Variants in KIF16B observed in about 807,000 individuals in gnomAD.
The protein encoded by KIF16B is kinesin-like protein KIF16B.
A neutral mutation model predicts 156.3 loss-of-function variants in KIF16B; 98 were observed. The observed-to-expected ratio is 0.63, with a 90% CI of 0.53 to 0.74. The LOEUF (loss-of-function observed/expected upper bound fraction) is 0.74, where lower values mean the gene tolerates loss of function less well. Ranked by LOEUF, KIF16B falls within the 30% of genes least tolerant of loss-of-function variation. The pLI, the probability that KIF16B is intolerant of heterozygous loss-of-function variation, is 0.00. For missense variants in KIF16B, 1,421 were observed against 1,606.5 expected, an observed-to-expected ratio of 0.88 and a Z score of 1.97; for synonymous variants, 564 against 583.7, an observed-to-expected ratio of 0.97 and a Z score of 0.49.
intron 25 of KIF16B, among the ~76,000 whole-genome samples, chr20:16,297,017 T>A (rs1419048707): frequency 6.6e-6 from 1 of 152,224 alleles, no homozygotes; most frequent in African/African-American, 2.4e-5. Flanking sequence ...TTTTCCTGCC[T>A]TTGGACTCAA....
At chr20:16,372,828 G>C (rs1271832525) in intron 20 of KIF16B, among the ~76,000 whole-genome samples, 2 of 152,172 alleles carry the variant, frequency 1.3e-5, no homozygotes, top group Non-Finnish European at 2.9e-5. Flanking sequence ...CTCCCAGGTA[G>C]CTGGGATTAC....
chr20:16,555,511 G>A (rs1600690868), intron 1 of KIF16B, among the ~76,000 whole-genome samples: 1 of 111,452 alleles, frequency 9.0e-6, no homozygotes, highest in Non-Finnish European at 2.0e-5. Flanking sequence ...TCAAGCCATA[G>A]ACCAAAGGCC....
At chr20:16,512,192 T>C (rs1035591402) in intron 5 of KIF16B, among the ~76,000 whole-genome samples, 1 of 151,898 alleles carries the variant, frequency 6.6e-6, no homozygotes, top group Non-Finnish European at 1.5e-5. Context: ...TCCTGTACCA[T>C]GCTAAGTACT....
At chr20:16,558,730 C>T (rs751314877) in intron 1 of KIF16B, among the ~76,000 whole-genome samples, 3 of 152,014 alleles carry the variant, frequency 2.0e-5, no homozygotes, top group Admixed American at 2.0e-4. Context: ...ATGGCAAAAC[C>T]CTGTTTCCAT....
intron 12 of KIF16B, among the ~76,000 whole-genome samples, chr20:16,481,198 T>C (rs2067974049): frequency 6.6e-6 from 1 of 152,166 alleles, no homozygotes; most frequent in Non-Finnish European, 1.5e-5. Flanking sequence ...AAACCACTTC[T>C]GTATGGAAGT....
chr20:16,521,597 C>T lies in KIF16B; in HGVS notation c.231+4495G>A, dbSNP rs1013350888. Among the ~76,000 whole-genome samples the T allele has an allele frequency of 4.6e-5, 7 of 152,234 alleles. No homozygotes were observed. In the South Asian group the frequency reaches 1.2e-3, roughly 27 times the overall value. ...TGGAACCAAGTTGGAAAACACTCTT[C>T]AGGCTATTATCCAGGAGAACTTCCC... On this transcript the variant is annotated intron_variant, in intron 3 of 25. Coordinates refer to ENST00000354981, the MANE Select transcript of KIF16B (RefSeq NM_024704.5).
intron 15 of KIF16B, among the ~76,000 whole-genome samples, chr20:16,410,683 G>C (rs2065931195): frequency 6.6e-6 from 1 of 152,060 alleles, no homozygotes; most frequent in African/African-American, 2.4e-5. Flanking sequence ...CAGTTGCTTA[G>C]CATCACCATC....
At chr20:16,530,533 A>G (rs73898802) in intron 1 of KIF16B, among the ~76,000 whole-genome samples, 1,618 of 152,226 alleles carry the variant, frequency 0.011, 37 homozygotes, top group African/African-American at 0.037. Flanking sequence ...CTGGCAGGGC[A>G]CGCTCCCCAA....
intron 1 of KIF16B, among the ~76,000 whole-genome samples, chr20:16,569,530 T>C (rs923199101): frequency 1.3e-5 from 2 of 152,192 alleles, no homozygotes; most frequent in African/African-American, 2.4e-5. Flanking sequence ...AGCACTCATA[T>C]TCCTTACAAG....
intron 10 of KIF16B, among the ~76,000 whole-genome samples, chr20:16,502,091 C>T (rs2068643506): frequency 6.6e-6 from 1 of 152,014 alleles, no homozygotes; most frequent in Non-Finnish European, 1.5e-5. Context: ...ATGTCAAAAC[C>T]TTTTGCTTTA....
chr20:16,370,442 T>C (rs1002925663), intron 22 of KIF16B, 144 bp downstream of exon 22: 3 of 576,264 alleles, frequency 5.2e-6, no homozygotes, highest in Non-Finnish European at 5.7e-6. Flanking sequence ...TTTAAGTCCA[T>C]ATAATAGCTT....
intron 14 of KIF16B, among the ~76,000 whole-genome samples, chr20:16,428,083 C>G (rs1038934236): frequency 1.3e-5 from 2 of 152,066 alleles, no homozygotes; most frequent in Non-Finnish European, 2.9e-5. Context: ...GAAGAAGAGG[C>G]CTGATGCCTA....
chr20:16,551,508 G>A (rs1262755972), intron 1 of KIF16B, among the ~76,000 whole-genome samples: 1 of 152,118 alleles, frequency 6.6e-6, no homozygotes, highest in Non-Finnish European at 1.5e-5. Context: ...CTGACTCCTT[G>A]CTGGTGCCTG....
At chr20:16,459,637 A>T (rs2067294789) in intron 12 of KIF16B, among the ~76,000 whole-genome samples, 1 of 152,192 alleles carries the variant, frequency 6.6e-6, no homozygotes. Context: ...AAGTGCTTGG[A>T]TTTGTTTAAA....
chr20:16,494,368 C>T lies in KIF16B; in HGVS notation c.1243-18G>A, dbSNP rs1568601984. 2 of 1,513,956 alleles carry T rather than the reference C, an allele frequency of 1.3e-6. No homozygotes were observed. Among genetic ancestry groups the T allele is most frequent in the East Asian group, 2.3e-5 (1 of 43,850 alleles). The allele number at this position is 1,513,956 out of a possible 1,614,324, so 93.8% of individuals were successfully genotyped here. A position where few individuals can be genotyped will look rare whatever the true frequency, so the allele number is the denominator to read the frequency against. Reference sequence around the variant, plus strand: ...TCTTGAACCTGAAAAGAAAAATATACATACGTGACTGCTTCATAAAGAAAG... The same window carrying T: ...TCTTGAACCTGAAAAGAAAAATATATATACGTGACTGCTTCATAAAGAAAG... On this transcript the variant is annotated intron_variant, in intron 11 of 25. Transcript: ENST00000354981.
At chr20:16,444,604 G>C (rs975260769) in intron 12 of KIF16B, among the ~76,000 whole-genome samples, 2 of 152,192 alleles carry the variant, frequency 1.3e-5, no homozygotes, top group African/African-American at 4.8e-5. Flanking sequence ...GCAGCAGTTT[G>C]CTGACCTCTG....
intron 25 of KIF16B, among the ~76,000 whole-genome samples, chr20:16,279,124 C>G (rs2063107797): frequency 6.6e-6 from 1 of 152,164 alleles, no homozygotes; most frequent in South Asian, 2.1e-4. Flanking sequence ...TACCCATTTC[C>G]CTTCCCAAAC....
At chr20:16,397,160 G>A (rs878950636) in intron 17 of KIF16B, among the ~76,000 whole-genome samples, 2 of 152,162 alleles carry the variant, frequency 1.3e-5, no homozygotes, top group African/African-American at 2.4e-5. Context: ...TTGAGCAGTC[G>A]GCTTGGTTTC....
At chr20:16,559,593 A>AC (rs2070983049) in intron 1 of KIF16B, among the ~76,000 whole-genome samples, 1 of 146,582 alleles carries the variant, frequency 6.8e-6, no homozygotes, top group Non-Finnish European at 1.5e-5. Context: ...ACATAAGGAG[A>AC]CCCCATCTCT....
Sources: gnomAD v4.1 joint callset for allele counts (sites outside exome capture counted in the v4.1 genomes callset) on GRCh38, gnomAD v4.1.1 for gene constraint, MANE v1.5 for transcripts, NCBI Gene and HGNC (gene_info 2026-07-23, HGNC 2026-07-21) for gene names.